INVS: variants seen among roughly 807,000 people sequenced by gnomAD.
INVS encodes the protein inversion of embryo turning homolog.
INVS carries 86 observed loss-of-function variants against 108.8 expected under a neutral mutation model. That is an observed-to-expected ratio of 0.79 (90% CI 0.66 to 0.95). INVS has a LOEUF of 0.95. Ranked by LOEUF, INVS falls within the 40% of genes least tolerant of loss-of-function variation. The probability of loss-of-function intolerance (pLI) is 0.00; values close to 1 mark genes in which losing one functional copy is unlikely to be tolerated. For synonymous variants in INVS, 455 were observed against 473.5 expected (o/e 0.96, Z 0.51); for missense variants, 1,169 against 1,297.4 (o/e 0.90, Z 1.52).
At chr9:100,108,140 A>T (rs1199935276) in intron 2 of INVS, among the ~76,000 whole-genome samples, 1 of 152,244 alleles carries the variant, frequency 6.6e-6, no homozygotes, top group Non-Finnish European at 1.5e-5. Flanking sequence ...AAAGTGCAGT[A>T]TGTTATAAAT....
chr9:100,212,359 T>C (rs1239542779), intron 3 of INVS, among the ~76,000 whole-genome samples: 1 of 152,218 alleles, frequency 6.6e-6, no homozygotes, highest in Non-Finnish European at 1.5e-5. Flanking sequence ...ATTTATATTC[T>C]TTGATTTATG....
At position 100,234,156 on chromosome 9, in the gene INVS, A is replaced by C. The variant is rs1189386418; in HGVS notation, c.615+4329A>C. On this transcript the variant is annotated intron_variant, in intron 5 of 16. Transcript: ENST00000262457. ...CTTGTAGATTTTCCAGTTTATTTGC[A>C]TGGAAGTGTTTATAGTATTCTCTGA... is the stretch of plus-strand genomic sequence containing the variant. Among the ~76,000 whole-genome samples the C allele has an allele frequency of 2.0e-5, 3 of 152,250 alleles. No homozygotes were observed. The East Asian group carries it at 5.8e-4, about 29-fold the overall frequency.
intron 2 of INVS, 81 bp from the exon 3 acceptor site, chr9:100,126,302 A>G: frequency 8.9e-7 from 1 of 1,119,128 alleles, no homozygotes; most frequent in Non-Finnish European, 1.3e-6. Context: ...ACAATGTTTG[A>G]TAATAAACAG....
intron 12 of INVS, among the ~76,000 whole-genome samples, chr9:100,279,548 A>G (rs1420211185): frequency 6.6e-6 from 1 of 152,242 alleles, no homozygotes; most frequent in Non-Finnish European, 1.5e-5. Flanking sequence ...ATTACCCTCA[A>G]AACTAACAGA....
intron 2 of INVS, among the ~76,000 whole-genome samples, chr9:100,125,031 C>G (rs973104864): frequency 1.3e-5 from 2 of 152,200 alleles, no homozygotes; most frequent in Non-Finnish European, 2.9e-5. Flanking sequence ...AATGATCTAA[C>G]TATAGTTCAA....
In INVS at chr9:100,142,971, G is replaced by A. The variant is rs533966574; in HGVS notation, c.273+16422G>A. Among the ~76,000 whole-genome samples, 8 of 152,270 alleles carry A rather than the reference G, an allele frequency of 5.3e-5. No individual in the cohort carries two copies. The South Asian group carries it at 1.2e-3, about 24-fold the overall frequency. ...CGGAGACGATAATCAGGGAGAGCAC[G>A]TGTGTTTTTATGAGAATTATGCTGA... On this transcript the variant is annotated intron_variant, in intron 3 of 16. Coordinates refer to ENST00000262457, the MANE Select transcript of INVS (RefSeq NM_014425.5).
chr9:100,212,857 T>C (rs1280393664), intron 3 of INVS, among the ~76,000 whole-genome samples: 1 of 152,166 alleles, frequency 6.6e-6, no homozygotes, highest in African/African-American at 2.4e-5. Context: ...TTCTTAAATC[T>C]TCTCTTTTTC....
At chr9:100,143,870 G>A (rs974389981) in intron 3 of INVS, among the ~76,000 whole-genome samples, 2 of 152,096 alleles carry the variant, frequency 1.3e-5, no homozygotes, top group African/African-American at 4.8e-5. Context: ...GAAGGGGACG[G>A]ACTTACCTTC....
At chr9:100,126,640 A>T (rs1827892885) in intron 3 of INVS, 91 bp downstream of exon 3, 1 of 1,216,928 alleles carries the variant, frequency 8.2e-7, no homozygotes, top group African/African-American at 1.5e-5. Flanking sequence ...ATAATAAAGA[A>T]GTCTCAAATG....
intron 3 of INVS, among the ~76,000 whole-genome samples, chr9:100,165,644 A>C (rs1312232153): frequency 6.6e-6 from 1 of 152,050 alleles, no homozygotes; most frequent in African/African-American, 2.4e-5. Context: ...CAAGGCCTAG[A>C]ATTTTTTAGT....
chr9:100,295,962 G>GC (rs1254594360), intron 14 of INVS, among the ~76,000 whole-genome samples: 11 of 152,192 alleles, frequency 7.2e-5, no homozygotes, highest in Non-Finnish European at 1.5e-5. Context: ...GTAGAGGGAT[G>GC]CCATGGTGTT....
intron 3 of INVS, among the ~76,000 whole-genome samples, chr9:100,198,543 AG>A (rs950397148): frequency 1.3e-5 from 2 of 150,746 alleles, no homozygotes; most frequent in Non-Finnish European, 2.9e-5. Context: ...CGCCCTCCTC[AG>A]CCTCCCAAAG....
At chr9:100,287,238 C>T (rs925883134) in intron 13 of INVS, among the ~76,000 whole-genome samples, 5 of 152,176 alleles carry the variant, frequency 3.3e-5, no homozygotes, top group African/African-American at 1.2e-4. Context: ...AGACTGGCTT[C>T]CTTACATTGT....
At chr9:100,290,872 G>T (rs920853831) in intron 13 of INVS, among the ~76,000 whole-genome samples, 2 of 151,944 alleles carry the variant, frequency 1.3e-5, no homozygotes, top group East Asian at 3.9e-4. Flanking sequence ...TACCATGTCT[G>T]GATAATTGTT....
Position 100,301,992 on chromosome 9 carries a change from C to G in INVS, c.*1318C>G, listed in dbSNP as rs991955177. Reference sequence around the variant, plus strand: ...TGCACAACCGCCTATGACCATGTATCGTGTGCTAGTCCGGGAAGCCAGCCT... The same window carrying G: ...TGCACAACCGCCTATGACCATGTATGGTGTGCTAGTCCGGGAAGCCAGCCT... On this transcript the variant is annotated 3_prime_UTR_variant, in exon 17 of 17. Transcript: ENST00000262457. The G allele has an allele frequency of 2.2e-5, 10 of 450,462 alleles. No homozygotes were observed. The highest frequency in any genetic ancestry group is 3.5e-5 in the Admixed American group (1 of 28,664). 27.9% of individuals were successfully genotyped at this position (450,462 alleles called of 1,614,324 possible). A position where few individuals can be genotyped will look rare whatever the true frequency, so the allele number is the denominator to read the frequency against.
chr9:100,108,369 G>A (rs1378083990), intron 2 of INVS, among the ~76,000 whole-genome samples: 27 of 152,268 alleles, frequency 1.8e-4, no homozygotes, highest in Non-Finnish European at 7.4e-5. Context: ...GACTGAGGGT[G>A]CCACTCCTCA....
chr9:100,281,627 TA>T (rs1038766771), intron 12 of INVS, among the ~76,000 whole-genome samples: 4 of 152,156 alleles, frequency 2.6e-5, no homozygotes, highest in Non-Finnish European at 5.9e-5. Flanking sequence ...TGCATCAATT[TA>T]AAAAACATTA....
chr9:100,159,538 G>T (rs1829103285), intron 3 of INVS, among the ~76,000 whole-genome samples: 1 of 152,044 alleles, frequency 6.6e-6, no homozygotes, highest in South Asian at 2.1e-4. Context: ...TTATAGATAG[G>T]AATTCCATAA....
chr9:100,224,070 A>T (rs1051891643), intron 3 of INVS, among the ~76,000 whole-genome samples: 3 of 152,164 alleles, frequency 2.0e-5, no homozygotes, highest in Non-Finnish European at 4.4e-5. Context: ...CACGCAAAAA[A>T]ATCTCATAAT....
Sources: gnomAD v4.1 joint callset for allele counts (sites outside exome capture counted in the v4.1 genomes callset) on GRCh38, gnomAD v4.1.1 for gene constraint, MANE v1.5 for transcripts, NCBI Gene and HGNC (gene_info 2026-07-23, HGNC 2026-07-21) for gene names.